TCF20: variants seen among roughly 807,000 people sequenced by gnomAD.
TCF20 encodes SPRE-binding protein.
Under a neutral mutation model 148.6 loss-of-function variants are expected in TCF20, and 3 were observed. The observed-to-expected ratio is 0.02, with a 90% CI of 0.01 to 0.05. The LOEUF (loss-of-function observed/expected upper bound fraction) is 0.05, where lower values mean the gene tolerates loss of function less well. Ranked by LOEUF, TCF20 falls within the 10% of genes least tolerant of loss-of-function variation. The pLI is 1.00. For missense variants in TCF20, 2,350 were observed against 2,429.3 expected, an observed-to-expected ratio of 0.97 and a Z score of 0.69; for synonymous variants, 1,049 against 909.5, an observed-to-expected ratio of 1.15 and a Z score of -2.76.
At chr22:42,271,792 G>A (rs1271587150), upstream of TCF20, among the ~76,000 whole-genome samples, 1 of 152,204 alleles carries the variant, frequency 6.6e-6, no homozygotes, top group Non-Finnish European at 1.5e-5. Flanking sequence ...CTTAAAAGTT[G>A]GGATTGGAAA....
Position 42,212,333 on chromosome 22 carries a change from G to A in TCF20, c.2973C>T (p.Val991=), listed in dbSNP as rs1433820439. Residue 991 remains valine, a synonymous_variant, in exon 2 of 6, where the codon GTC becomes GTT. Coordinates refer to ENST00000677622, the MANE Select transcript of TCF20 (RefSeq NM_001378418.1). ...CCTCCCGACCACCAACTCTGCCAGGGACCCGCCGCATTGGCGTGGGTCTGC... is the reference window on the plus strand; with the variant it reads ...CCTCCCGACCACCAACTCTGCCAGGAACCCGCCGCATTGGCGTGGGTCTGC... ...QDSRPTPMRR[V]PGRVGGREGM... 6.2e-7 allele frequency: 1 copy of A among 1,614,198 alleles called. No individual in the cohort carries two copies. Among genetic ancestry groups the A allele is most frequent in the Admixed American group, 1.7e-5 (1 of 60,028 alleles).
intron 2 of TCF20, among the ~76,000 whole-genome samples, chr22:42,181,945 C>A (rs1166567265): frequency 3.9e-5 from 6 of 152,060 alleles, no homozygotes; most frequent in Admixed American, 3.3e-4. Context: ...GGTAATTTTT[C>A]TTGCGCAGCC....
chr22:42,191,508 C>T (rs1465100317), intron 2 of TCF20, among the ~76,000 whole-genome samples: 1 of 152,088 alleles, frequency 6.6e-6, no homozygotes, highest in African/African-American at 2.4e-5. Flanking sequence ...AGGCTGGTCT[C>T]GAACTCCTGA....
chr22:42,204,895 T>C (rs1026874124), intron 2 of TCF20, among the ~76,000 whole-genome samples: 21 of 151,028 alleles, frequency 1.4e-4, no homozygotes, highest in Admixed American at 1.2e-3. Context: ...AGTTAACATA[T>C]ACTGTCAGGT....
chr22:42,198,730 T>C (rs1937763315), intron 2 of TCF20, among the ~76,000 whole-genome samples: 1 of 151,878 alleles, frequency 6.6e-6, no homozygotes. Context: ...GGCGTGATCT[T>C]GGCTCACTGC....
At chr22:42,325,424 CA>C (rs1254850824) in intron 1 of TCF20, among the ~76,000 whole-genome samples, 1 of 152,256 alleles carries the variant, frequency 6.6e-6, no homozygotes. Context: ...ACGTGACTGT[CA>C]CAGCAAGACC....
At position 42,209,827 on chromosome 22, in the gene TCF20, A is replaced by G; in HGVS notation, c.5479T>C (p.Ser1827Pro). Residue 1827 changes from serine (S) to proline (P), a missense_variant, in exon 2 of 6, where the codon TCC becomes CCC. Around this residue, in one of 7 missense-constraint regions of TCF20, gnomAD observed 374 missense variants for 398.3 expected, o/e 0.94. Transcript: ENST00000677622. Reference sequence around the variant, plus strand: ...CCACCTTCTGAAGTGGTGGGCACGGAGGGCTTCGAGTCCAAAACAGTCTTT... The same window carrying G: ...CCACCTTCTGAAGTGGTGGGCACGGGGGGCTTCGAGTCCAAAACAGTCTTT... ...SEKTVLDSKPSVPTTSEGGPE... is the reference protein window; with the variant it reads ...SEKTVLDSKPPVPTTSEGGPE... 1 of 1,614,168 alleles carries G rather than the reference A, an allele frequency of 6.2e-7. No homozygotes were observed. The highest frequency in any genetic ancestry group is 1.3e-5 in the African/African-American group (1 of 75,048).
At chr22:42,283,496 C>A (rs1926957265) in intron 1 of TCF20, among the ~76,000 whole-genome samples, 1 of 152,188 alleles carries the variant, frequency 6.6e-6, no homozygotes, top group Non-Finnish European at 1.5e-5. Flanking sequence ...CTGCCGCGCT[C>A]CCCGAGCAGC....
chr22:42,243,691 C>T (rs1360692150), intron 1 of TCF20, among the ~76,000 whole-genome samples: 2 of 152,112 alleles, frequency 1.3e-5, no homozygotes, highest in African/African-American at 4.8e-5. Flanking sequence ...AAATGCACCA[C>T]ACTAATATGA....
intron 2 of TCF20, among the ~76,000 whole-genome samples, chr22:42,203,039 A>G (rs973410823): frequency 9.9e-5 from 15 of 152,246 alleles, no homozygotes; most frequent in African/African-American, 3.6e-4. Flanking sequence ...CAGATTAGCA[A>G]TAACTAGTTT....
chr22:42,322,777 A>G (rs1196082073), intron 1 of TCF20, among the ~76,000 whole-genome samples: 1 of 143,128 alleles, frequency 7.0e-6, no homozygotes, highest in Admixed American at 6.8e-5. Flanking sequence ...TGAATGAATG[A>G]GTGCCTGAGT....
intron 2 of TCF20, among the ~76,000 whole-genome samples, chr22:42,202,097 C>T (rs995044803): frequency 6.6e-6 from 1 of 152,138 alleles, no homozygotes; most frequent in East Asian, 1.9e-4. Context: ...TTTATTTCCA[C>T]CAAGGACAAC....
chr22:42,268,752 G>A (rs190308689), intron 1 of TCF20, among the ~76,000 whole-genome samples: 12 of 152,242 alleles, frequency 7.9e-5, no homozygotes, highest in Non-Finnish European at 4.4e-5. Context: ...ATATGTTAAG[G>A]TGCATTCCAC....
At chr22:42,235,944 A>G (rs775029478) in intron 1 of TCF20, among the ~76,000 whole-genome samples, 5 of 152,200 alleles carry the variant, frequency 3.3e-5, no homozygotes, top group Non-Finnish European at 7.3e-5. Flanking sequence ...CTATAATCCC[A>G]GCACTTTGGG....
At chr22:42,284,861 C>G (rs1303025787), upstream of TCF20, among the ~76,000 whole-genome samples, 1 of 152,214 alleles carries the variant, frequency 6.6e-6, no homozygotes, top group African/African-American at 2.4e-5. Flanking sequence ...GAGGTAAGCA[C>G]CAACGCCCCG....
At chr22:42,193,655 C>T (rs1937453008) in intron 2 of TCF20, among the ~76,000 whole-genome samples, 1 of 152,090 alleles carries the variant, frequency 6.6e-6, no homozygotes, top group Non-Finnish European at 1.5e-5. Flanking sequence ...ATTGTTAGGA[C>T]AGATTTCATT....
Position 42,212,499 on chromosome 22 carries a change from G to C in TCF20, c.2807C>G (p.Ser936Cys). 4 of 1,614,196 alleles carry C rather than the reference G, an allele frequency of 2.5e-6. No individual in the cohort carries two copies. The highest frequency in any genetic ancestry group is 3.4e-6 in the Non-Finnish European group (4 of 1,180,030). Reference protein sequence around the residue: ...GQIKEEDFEQSKSQASFNNKK... With the variant: ...GQIKEEDFEQCKSQASFNNKK... ...GTTGTTGAAACTAGCTTGAGATTTA[G>C]ACTGTTCAAAGTCTTCCTCTTTTAT... Residue 936 changes from serine (S) to cysteine (C), a missense_variant, in exon 2 of 6, where the codon TCT (serine) becomes TGT (cysteine). Ser to Cys is a moderately radical substitution (Grantham distance 112). This residue lies in a region of TCF20 where 1,641 missense variants were observed against 1,662.6 expected (regional missense o/e 0.99). Transcript: ENST00000677622.
chr22:42,182,408 T>C (rs910242644), intron 2 of TCF20, among the ~76,000 whole-genome samples: 1 of 152,212 alleles, frequency 6.6e-6, no homozygotes, highest in Non-Finnish European at 1.5e-5. Context: ...AGACATATGC[T>C]AGATAATCTA....
intron 1 of TCF20, among the ~76,000 whole-genome samples, chr22:42,261,533 C>G (rs1181285620): frequency 6.6e-6 from 1 of 152,146 alleles, no homozygotes; most frequent in African/African-American, 2.4e-5. Context: ...TCTTTCAGCT[C>G]TTCAAACATA....
Sources: allele counts gnomAD v4.1 joint callset (sites outside exome capture counted in the v4.1 genomes callset), GRCh38; gene constraint gnomAD v4.1.1; regional missense constraint gnomAD v4.1.1; transcripts MANE v1.5; gene names NCBI Gene and HGNC (gene_info 2026-07-23, HGNC 2026-07-21).